SPTA1: variants seen among roughly 807,000 people sequenced by gnomAD.
SPTA1 encodes the protein spectrin alpha, erythrocytic 1, also known as spectrin alpha chain, erythrocytic 1.
Under a neutral mutation model 324.7 loss-of-function variants are expected in SPTA1, and 177 were observed. That is an observed-to-expected ratio of 0.55 (90% CI 0.48 to 0.62). SPTA1 has a LOEUF of 0.62. Ranked by LOEUF, SPTA1 falls within the 20% of genes least tolerant of loss-of-function variation. The pLI, the probability that SPTA1 is intolerant of heterozygous loss-of-function variation, is 0.00. For synonymous variants in SPTA1, 1,195 were observed against 1,041.3 expected (o/e 1.15, Z -2.84); for missense variants, 3,162 against 2,883.6 (o/e 1.10, Z -2.21).
At chr1:158,655,735 T>C (rs1194884063) in intron 20 of SPTA1, among the ~76,000 whole-genome samples, 1 of 152,178 alleles carries the variant, frequency 6.6e-6, no homozygotes, top group Non-Finnish European at 1.5e-5. Flanking sequence ...CTACATATAG[T>C]AGACATTGTT....
Position 158,619,218 on chromosome 1 carries a change from A to G in SPTA1, c.6530+4T>C. ...GTCATGGTTTGGGATGTAGCATAGC[A>G]CACCTGGTTTCCAGGATCCATTGAA... On this transcript the variant is annotated splice_donor_region_variant and intron_variant, in intron 45 of 51. Coordinates refer to ENST00000643759, the MANE Select transcript of SPTA1 (RefSeq NM_003126.4). 1 of 1,613,370 alleles carries G rather than the reference A, an allele frequency of 6.2e-7. No individual in the cohort carries two copies. The highest frequency in any genetic ancestry group is 8.5e-7 in the Non-Finnish European group (1 of 1,179,334).
At chr1:158,654,448 C>T (rs1652681915) in intron 21 of SPTA1, among the ~76,000 whole-genome samples, 163 bp downstream of exon 21, 1 of 151,842 alleles carries the variant, frequency 6.6e-6, no homozygotes, top group Non-Finnish European at 1.5e-5. Flanking sequence ...TAGGATCCTG[C>T]AAAATATCTA....
chr1:158,656,557 G>C lies in SPTA1; in HGVS notation c.2898+7C>G. ...TGTGAATCCTGTCATCGCTAAGTTA[G>C]TCTTACCTGGCAGGCGTTTGCCTGA... On this transcript the variant is annotated splice_region_variant and intron_variant, in intron 20 of 51. Transcript: ENST00000643759. 1 of 1,611,636 alleles carries C rather than the reference G, an allele frequency of 6.2e-7. No individual in the cohort carries two copies. Among genetic ancestry groups the C allele is most frequent in the South Asian group, 1.1e-5 (1 of 91,046 alleles).
chr1:158,652,695 A>C (rs766225086), intron 22 of SPTA1, 42 bp from the exon 23 acceptor site: 1 of 1,608,896 alleles, frequency 6.2e-7, no homozygotes, highest in Non-Finnish European at 8.5e-7. Flanking sequence ...AGAAGGAGAA[A>C]ATACAGAAGA....
In SPTA1 at chr1:158,685,242, C is replaced by A. The variant is rs1655083877; in HGVS notation, c.130G>T (p.Glu44Ter). Residue 44 changes from glutamate to a stop codon, truncating the protein, a stop_gained, in exon 2 of 52, where the codon GAG becomes TAG. Transcript: ENST00000643759. LOFTEE classifies it high-confidence loss of function. ...RYQSFKERVA[E>*]RGQKLEDSYH... The stretch of plus-strand genomic sequence containing the variant: ...GAATCCTCAAGCTTCTGACCCCTCT[C>A]AGCGACCCGCTCCTTGAAACTTTGA... 2 of 1,613,788 alleles carry A rather than the reference C, an allele frequency of 1.2e-6. No individual in the cohort carries two copies. The highest frequency in any genetic ancestry group is 1.7e-6 in the Non-Finnish European group (2 of 1,179,812).
chr1:158,643,335 G>A lies in SPTA1; in HGVS notation c.4429C>T (p.Arg1477Cys), dbSNP rs201961961. The part of the protein sequence containing the change: ...AKEEIATRLQ[R>C]VLDRWKALKA... ...CTCAGGCCTGACCTGTCTAGTACAC[G>A]TTGGAGCCGCGTAGCAATCTCTTCT... Residue 1477 changes from arginine (R) to cysteine (C), a missense_variant, in exon 31 of 52, where the codon CGT (arginine) becomes TGT (cysteine). Arg to Cys is a radical substitution (Grantham distance 180, BLOSUM62 -3). Transcript: ENST00000643759. 1.5e-4 allele frequency: 234 copies of A among 1,613,744 alleles called. No homozygotes were observed. Among genetic ancestry groups the A allele is most frequent in the Admixed American group, 2.3e-4 (14 of 59,936 alleles).
At chr1:158,673,490 G>T (rs78890842) in intron 10 of SPTA1, among the ~76,000 whole-genome samples, 1 of 152,150 alleles carries the variant, frequency 6.6e-6, no homozygotes, top group Non-Finnish European at 1.5e-5. Context: ...TTCATTCAGT[G>T]GAATGCTGGG....
intron 8 of SPTA1, among the ~76,000 whole-genome samples, chr1:158,674,923 AC>A (rs1654297284): frequency 6.6e-6 from 1 of 152,100 alleles, no homozygotes; most frequent in African/African-American, 2.4e-5. Context: ...CATGAGCATT[AC>A]ACCTCCACCA....
rs780042004 is a variant in SPTA1 at position 158,662,673 on chromosome 1, G to A, written c.2464+29C>T. 1.2e-5 allele frequency: 19 copies of A among 1,612,982 alleles called. No homozygotes were observed. The East Asian group carries it at 3.6e-4, about 30-fold the overall frequency. Reference sequence around the variant, plus strand: ...ATATATAGACCTTGGTCCTTTCCTAGTGGCTCAGCCTGCTCAGGCTGTACT... The same window carrying A: ...ATATATAGACCTTGGTCCTTTCCTAATGGCTCAGCCTGCTCAGGCTGTACT... On this transcript the variant is annotated intron_variant, in intron 17 of 51. Coordinates refer to ENST00000643759, the MANE Select transcript of SPTA1 (RefSeq NM_003126.4).
At chr1:158,629,187 CTCTA>C (rs71084281) in intron 39 of SPTA1, among the ~76,000 whole-genome samples, 49,120 of 147,920 alleles carry the variant, frequency 0.33, 9,062 homozygotes, top group South Asian at 0.52. Flanking sequence ...CAAAATATAT[CTCTA>C]TCTATCTATC....
At position 158,680,741 on chromosome 1, in the gene SPTA1, G is replaced by T. The variant is rs774303884; in HGVS notation, c.532-12C>A. ...GTCGCTATAGCCTCCTGTAGACACA[G>T]AAGTTGATTGAGTTGCCAGCAAACA... On this transcript the variant is annotated splice_polypyrimidine_tract_variant and intron_variant, in intron 4 of 51. Coordinates refer to ENST00000643759, the MANE Select transcript of SPTA1 (RefSeq NM_003126.4). 1 of 1,613,382 alleles carries T rather than the reference G, an allele frequency of 6.2e-7. No individual in the cohort carries two copies. Among genetic ancestry groups the T allele is most frequent in the Middle Eastern group, 1.7e-4 (1 of 6,056 alleles).
intron 3 of SPTA1, among the ~76,000 whole-genome samples, chr1:158,682,962 GA>G (rs904450485): frequency 1.3e-5 from 2 of 152,070 alleles, no homozygotes; most frequent in African/African-American, 4.8e-5. Flanking sequence ...ATAGACAAAG[GA>G]AAAATATTTT....
rs779213970 is a variant in SPTA1, at chr1:158,666,405, T to G, written c.2131A>C (p.Thr711Pro). Residue 711 changes from threonine to proline, a missense_variant, in exon 16 of 52, where the codon ACC (threonine) becomes CCC (proline). By Grantham distance (38) the Thr-to-Pro change is conservative (BLOSUM62 -1). Transcript: ENST00000643759. The stretch of plus-strand genomic sequence containing the variant: ...AGGCCTTTCCCATAATCCTCAGAGG[T>G]GACTTGCCACTCAACATCCTCCAGC... ...RWLEDVEWQV[T>P]SEDYGKGLAE... 6.2e-7 allele frequency: 1 copy of G among 1,613,754 alleles called. No homozygotes were observed. Among genetic ancestry groups the G allele is most frequent in the South Asian group, 1.1e-5 (1 of 91,068 alleles).
In SPTA1 at chr1:158,645,335, C is replaced by T; in HGVS notation, c.4047G>A (p.Glu1349=). ...EAEAPTFQAL[E]DFSAELIDSG... is the part of the protein sequence containing the mutation. Reference sequence around the variant, plus strand: ...TGTCGATAAGTTCTGCACTGAAGTCCTCTAAGGCCTGGAAGGTGGGAGCCT... The same window carrying T: ...TGTCGATAAGTTCTGCACTGAAGTCTTCTAAGGCCTGGAAGGTGGGAGCCT... The change falls in exon 29 of 52, where the codon GAG becomes GAA. Residue 1349 remains glutamate (E), a synonymous_variant. Coordinates refer to ENST00000643759, the MANE Select transcript of SPTA1 (RefSeq NM_003126.4). 6.2e-7 allele frequency: 1 copy of T among 1,614,002 alleles called. No homozygotes were observed. Among genetic ancestry groups the T allele is most frequent in the Non-Finnish European group, 8.5e-7 (1 of 1,179,952 alleles).
At chr1:158,616,798 T>C (rs1012119920) in intron 47 of SPTA1, among the ~76,000 whole-genome samples, 1 of 152,202 alleles carries the variant, frequency 6.6e-6, no homozygotes, top group East Asian at 1.9e-4. Flanking sequence ...TGCTGAATCA[T>C]ATGGTCTTTA....
At chr1:158,650,986 T>G (rs1479183144) in intron 24 of SPTA1, among the ~76,000 whole-genome samples, 3 of 152,210 alleles carry the variant, frequency 2.0e-5, no homozygotes, top group African/African-American at 7.2e-5. Flanking sequence ...ACAGCTATGA[T>G]GTAAATCTAA....
chr1:158,624,754 A>T (rs914043259), intron 42 of SPTA1, among the ~76,000 whole-genome samples: 2 of 152,200 alleles, frequency 1.3e-5, no homozygotes, highest in African/African-American at 4.8e-5. Flanking sequence ...AGATGCCAAA[A>T]CTGTATAGGG....
At chr1:158,668,393 T>A (rs567525162) in intron 14 of SPTA1, among the ~76,000 whole-genome samples, 52 of 152,260 alleles carry the variant, frequency 3.4e-4, no homozygotes, top group South Asian at 8.3e-4. Context: ...ACCGCATACA[T>A]GAACCTTCCA....
intron 47 of SPTA1, among the ~76,000 whole-genome samples, chr1:158,616,053 G>A (rs529440959): frequency 1.2e-3 from 189 of 152,322 alleles, no homozygotes; most frequent in African/African-American, 4.5e-3. Flanking sequence ...TGAAAAAAAT[G>A]TGGGATATGA....
Sources: gnomAD v4.1 joint callset for allele counts (sites outside exome capture counted in the v4.1 genomes callset) on GRCh38, gnomAD v4.1.1 for gene constraint, MANE v1.5 for transcripts, NCBI Gene and HGNC (gene_info 2026-07-23, HGNC 2026-07-21) for gene names.